MCPH1: variants seen among roughly 807,000 people sequenced by gnomAD.
MCPH1 encodes microcephalin.
Under a neutral mutation model 84.5 loss-of-function variants are expected in MCPH1, and 104 were observed. The ratio of observed to expected loss-of-function variants is 1.23; its 90% CI spans 1.05 to 1.45. The LOEUF (loss-of-function observed/expected upper bound fraction) is 1.45, where lower values mean the gene tolerates loss of function less well. Among genes scored for constraint, MCPH1 ranks in the 40% most tolerant of loss-of-function variants. MCPH1 has a pLI of 0.00. For missense variants in MCPH1, 1,498 were observed against 1,005.7 expected, an observed-to-expected ratio of 1.49 and a Z score of -6.62; for synonymous variants, 514 against 366.8, an observed-to-expected ratio of 1.40 and a Z score of -4.58.
intron 12 of MCPH1, chr8:6,620,068 T>C (rs1831250651): frequency 6.6e-6 from 1 of 152,178 alleles, no homozygotes; most frequent in South Asian, 2.1e-4. Flanking sequence ...AGTCTCTTTG[T>C]CTGCAAATTA....
At chr8:6,434,658 A>G (rs1386057093) in intron 4 of MCPH1, among the ~76,000 whole-genome samples, 2 of 152,246 alleles carry the variant, frequency 1.3e-5, no homozygotes, top group Non-Finnish European at 2.9e-5. Context: ...TAAATGAGTG[A>G]ATAACTAACA....
intron 12 of MCPH1, among the ~76,000 whole-genome samples, chr8:6,580,493 A>G (rs1039468266): frequency 6.6e-6 from 1 of 152,148 alleles, no homozygotes; most frequent in East Asian, 1.9e-4. Context: ...CGTCTCTACT[A>G]AAAATACAAA....
At chr8:6,469,816 T>C (rs776114981) in intron 9 of MCPH1, among the ~76,000 whole-genome samples, 1 of 152,206 alleles carries the variant, frequency 6.6e-6, no homozygotes, top group Non-Finnish European at 1.5e-5. Flanking sequence ...TAATCATGCA[T>C]TCAATACTCT....
chr8:6,638,405 G>A (rs1036207702), intron 13 of MCPH1, among the ~76,000 whole-genome samples: 33 of 151,984 alleles, frequency 2.2e-4, no homozygotes, highest in African/African-American at 7.0e-4. Context: ...TTGGATGCTG[G>A]CAATCGCAGT....
chr8:6,442,157 G>T lies in MCPH1; in HGVS notation c.670+1G>T. On this transcript the variant is annotated splice_donor_variant, in intron 7 of 13. Transcript: ENST00000344683. LOFTEE classifies it high-confidence loss of function. The stretch of plus-strand genomic sequence containing the variant: ...ATTTCACGTGATACTTTGTGTTCAG[G>T]TAAAATTTTTATTTTCCTTTCTGTG... 6.3e-7 allele frequency: 1 copy of T among 1,593,330 alleles called. No homozygotes were observed. Among genetic ancestry groups the T allele is most frequent in the Non-Finnish European group, 8.6e-7 (1 of 1,161,418 alleles).
At chr8:6,642,840 G>T (rs1225893024) in intron 13 of MCPH1, 154 bp from the exon 14 acceptor site, 2 of 714,964 alleles carry the variant, frequency 2.8e-6, no homozygotes, top group East Asian at 5.4e-5. Flanking sequence ...ATTTAAAAAG[G>T]TATGTGTGCT....
At chr8:6,554,331 G>T (rs10216456) in intron 12 of MCPH1, among the ~76,000 whole-genome samples, 4,299 of 151,726 alleles carry the variant, frequency 0.028, 137 homozygotes, top group African/African-American at 0.073. Context: ...GGAAAGGCTG[G>T]CTGCTTGCTT....
At chr8:6,464,189 C>T (rs564394485) in intron 9 of MCPH1, among the ~76,000 whole-genome samples, 86 of 152,298 alleles carry the variant, frequency 5.6e-4, no homozygotes, top group Non-Finnish European at 1.0e-3. Flanking sequence ...CCTTGGTTTC[C>T]AACACAGCTG....
At chr8:6,441,262 A>G (rs994930781) in intron 6 of MCPH1, among the ~76,000 whole-genome samples, 3 of 152,246 alleles carry the variant, frequency 2.0e-5, no homozygotes, top group Non-Finnish European at 2.9e-5. Context: ...AATTATGTGT[A>G]TAAACTAATT....
chr8:6,500,111 G>C, intron 12 of MCPH1, 182 bp downstream of exon 12: 1 of 618,962 alleles, frequency 1.6e-6, no homozygotes, highest in African/African-American at 1.8e-5. Flanking sequence ...GTGAGAACGT[G>C]AGACCATTGT....
chr8:6,579,277 G>C (rs938576466), intron 12 of MCPH1, among the ~76,000 whole-genome samples: 9 of 152,194 alleles, frequency 5.9e-5, no homozygotes, highest in African/African-American at 1.7e-4. Flanking sequence ...TCTGATGCGT[G>C]AGTTCGCCCC....
intron 11 of MCPH1, among the ~76,000 whole-genome samples, chr8:6,489,323 C>T (rs1237987763): frequency 1.3e-5 from 2 of 150,734 alleles, no homozygotes; most frequent in Non-Finnish European, 3.0e-5. Flanking sequence ...AAGGGGGAGG[C>T]AGGGGGACCC....
intron 12 of MCPH1, among the ~76,000 whole-genome samples, chr8:6,522,783 A>AAG (rs1433276443): frequency 5.0e-4 from 75 of 150,188 alleles, no homozygotes; most frequent in African/African-American, 1.8e-3. Context: ...CAAAAAAAAA[A>AAG]AAGAAAAGAA....
chr8:6,413,489 C>A (rs1482230340), intron 2 of MCPH1, among the ~76,000 whole-genome samples: 1 of 151,420 alleles, frequency 6.6e-6, no homozygotes, highest in Non-Finnish European at 1.5e-5. Flanking sequence ...AATATTTTCT[C>A]CATTTTGTGT....
intron 12 of MCPH1, among the ~76,000 whole-genome samples, chr8:6,535,524 A>G (rs916487082): frequency 1.3e-5 from 2 of 152,214 alleles, no homozygotes; most frequent in East Asian, 1.9e-4. Context: ...ATTTATGTTA[A>G]TCTTACATAA....
At chr8:6,564,346 A>C (rs992222360) in intron 12 of MCPH1, among the ~76,000 whole-genome samples, 7 of 152,174 alleles carry the variant, frequency 4.6e-5, no homozygotes. Context: ...CAATTACATT[A>C]GTCCCCCTTG....
At chr8:6,528,716 A>G (rs943781007) in intron 12 of MCPH1, among the ~76,000 whole-genome samples, 1 of 152,248 alleles carries the variant, frequency 6.6e-6, no homozygotes, top group Non-Finnish European at 1.5e-5. Context: ...CTTATTCAGG[A>G]TGTGATATCA....
At chr8:6,635,570 G>A (rs1265798235) in intron 13 of MCPH1, among the ~76,000 whole-genome samples, 1 of 152,028 alleles carries the variant, frequency 6.6e-6, no homozygotes, top group Non-Finnish European at 1.5e-5. Context: ...ACACCAGCCT[G>A]GGAAACAGCG....
intron 12 of MCPH1, among the ~76,000 whole-genome samples, chr8:6,612,581 C>T (rs1830379353): frequency 6.6e-6 from 1 of 152,246 alleles, no homozygotes; most frequent in Non-Finnish European, 1.5e-5. Flanking sequence ...GCTTCCTGAC[C>T]CCCACTGCGT....
Sources: gnomAD v4.1 joint callset for allele counts (sites outside exome capture counted in the v4.1 genomes callset) on GRCh38, gnomAD v4.1.1 for gene constraint, MANE v1.5 for transcripts, NCBI Gene and HGNC (gene_info 2026-07-23, HGNC 2026-07-21) for gene names.